The following PTCHD4 variants were observed in gnomAD, a reference collection of about 807,000 sequenced individuals.
PTCHD4 encodes the protein patched domain containing 4, also known as patched domain-containing protein 4.
PTCHD4 carries 33 observed loss-of-function variants against 58.1 expected under a neutral mutation model. The observed-to-expected ratio is 0.57, with a 90% CI of 0.43 to 0.76. The LOEUF (loss-of-function observed/expected upper bound fraction) is 0.76, where lower values mean the gene tolerates loss of function less well. PTCHD4 is among the 30% of genes least tolerant of loss of function. PTCHD4 has a pLI of 0.00. For missense variants in PTCHD4, 1,058 were observed against 1,027.1 expected (o/e 1.03, Z -0.41); for synonymous variants, 478 against 409.6 (o/e 1.17, Z -2.02).
chr6:48,005,739 T>C (rs536589888), intron 4 of PTCHD4, among the ~76,000 whole-genome samples: 1 of 152,316 alleles, frequency 6.6e-6, no homozygotes, highest in African/African-American at 2.4e-5. Flanking sequence ...GGATAACATA[T>C]ACTTTAAAGA....
intron 4 of PTCHD4, among the ~76,000 whole-genome samples, chr6:47,929,417 A>G (rs185398454): frequency 4.6e-5 from 7 of 152,354 alleles, no homozygotes; most frequent in African/African-American, 1.7e-4. Flanking sequence ...AGAGAAGGGT[A>G]TCTGATAAGC....
At chr6:47,967,403 A>C (rs889456968) in intron 4 of PTCHD4, among the ~76,000 whole-genome samples, 1 of 152,156 alleles carries the variant, frequency 6.6e-6, no homozygotes, top group Non-Finnish European at 1.5e-5. Flanking sequence ...GATTTAGCAT[A>C]ATTCTTAAGA....
chr6:47,917,956 T>C (rs1359217652), intron 4 of PTCHD4, among the ~76,000 whole-genome samples: 1 of 152,118 alleles, frequency 6.6e-6, no homozygotes, highest in Non-Finnish European at 1.5e-5. Context: ...GCTGAAGCAG[T>C]AGAGCTTAGA....
Position 47,864,778 on chromosome 6 carries a change from A to G in PTCHD4, c.*13525T>C, listed in dbSNP as rs1239657041. ...ATGTATGTGTGAAATATTTGACAGG[A>G]CAATTATACCATAGGAAAAGTTTTG... On this transcript the variant is annotated 3_prime_UTR_variant, in exon 5 of 5. Coordinates refer to ENST00000339488, the MANE Select transcript of PTCHD4 (RefSeq NM_001384253.1). Among the ~76,000 whole-genome samples the G allele has an allele frequency of 3.9e-5, 6 of 152,012 alleles. No individual in the cohort carries two copies. The highest frequency in any genetic ancestry group is 3.9e-4 in the Admixed American group (6 of 15,240).
intron 3 of PTCHD4, among the ~76,000 whole-genome samples, chr6:48,048,135 T>C (rs1226192834): frequency 6.6e-6 from 1 of 151,822 alleles, no homozygotes; most frequent in East Asian, 1.9e-4. Context: ...AGCTGAGCAT[T>C]TTGGAGAATT....
intron 3 of PTCHD4, among the ~76,000 whole-genome samples, chr6:48,011,245 T>C (rs1186111770): frequency 6.6e-6 from 1 of 152,158 alleles, no homozygotes; most frequent in Non-Finnish European, 1.5e-5. Flanking sequence ...CATCTGTTGT[T>C]TCCTGACTTT....
chr6:48,020,730 GTTAC>G (rs1763037345), intron 3 of PTCHD4, among the ~76,000 whole-genome samples: 2 of 151,944 alleles, frequency 1.3e-5, no homozygotes, highest in Admixed American at 1.3e-4. Flanking sequence ...TACAGAAGAC[GTTAC>G]TGAAGAGTGA....
At chr6:48,020,836 G>T (rs571305914) in intron 3 of PTCHD4, among the ~76,000 whole-genome samples, 1 of 151,928 alleles carries the variant, frequency 6.6e-6, no homozygotes, top group Non-Finnish European at 1.5e-5. Flanking sequence ...AATATTCAAG[G>T]GAAATACATT....
chr6:47,872,346 G>C lies in PTCHD4; in HGVS notation c.*5957C>G, dbSNP rs1421392494. On this transcript the variant is annotated 3_prime_UTR_variant, in exon 5 of 5. Transcript: ENST00000339488. ...TAGAATTTTTTTCCCCCTCTGGTTT[G>C]ACAGAGCCTTGTGGGCAATGTGCTT... 1.3e-5 allele frequency among the ~76,000 whole-genome samples: 2 copies of C among 151,574 alleles called. No homozygotes were observed. Among genetic ancestry groups the C allele is most frequent in the East Asian group, 3.9e-4 (2 of 5,138 alleles).
intron 3 of PTCHD4, among the ~76,000 whole-genome samples, chr6:48,054,127 TC>T (rs1195561177): frequency 7.9e-5 from 12 of 152,146 alleles, no homozygotes; most frequent in Admixed American, 7.2e-4. Flanking sequence ...ATATTTTGAT[TC>T]AATCGATCTT....
chr6:48,024,084 A>T (rs1342380382), intron 3 of PTCHD4, among the ~76,000 whole-genome samples: 1 of 152,230 alleles, frequency 6.6e-6, no homozygotes, highest in East Asian at 1.9e-4. Flanking sequence ...TGTCTAGCTC[A>T]TAAGCTTTAT....
rs181460307 is a variant in PTCHD4, at chr6:48,108,491, T to C, written c.-970+2558A>G. On this transcript the variant is annotated intron_variant, in intron 1 of 4. Transcript: ENST00000339488. Reference sequence around the variant, plus strand: ...CGGGGAGGGATAGCATTAGGAGGTATACCTAATGCTAAATGATGAGTTAAT... The same window carrying C: ...CGGGGAGGGATAGCATTAGGAGGTACACCTAATGCTAAATGATGAGTTAAT... 2.7e-3 allele frequency among the ~76,000 whole-genome samples: 406 copies of C among 152,130 alleles called. 6 individuals are homozygous for C. The highest frequency in any genetic ancestry group is 0.014 in the Admixed American group (207 of 15,274).
chr6:47,995,917 T>C (rs937472253), intron 4 of PTCHD4, among the ~76,000 whole-genome samples: 9 of 152,212 alleles, frequency 5.9e-5, no homozygotes, highest in Non-Finnish European at 1.0e-4. Flanking sequence ...CATTATATTA[T>C]GAAGGAGGCA....
intron 1 of PTCHD4, among the ~76,000 whole-genome samples, chr6:48,109,219 T>A (rs1765810541): frequency 6.6e-6 from 1 of 152,108 alleles, no homozygotes; most frequent in Admixed American, 6.6e-5. Flanking sequence ...TTTAAGCTGT[T>A]TCAAAGCAAA....
At chr6:48,063,073 T>A (rs937299906) in intron 3 of PTCHD4, among the ~76,000 whole-genome samples, 4 of 152,114 alleles carry the variant, frequency 2.6e-5, no homozygotes, top group African/African-American at 9.7e-5. Context: ...TGCTATCCCA[T>A]AAATTTTTTT....
In PTCHD4 at chr6:47,940,871, A is replaced by G. The variant is rs149084480; in HGVS notation, c.899-60935T>C. ...ATCTCGAGCTAACAGTCAAATCAAT[A>G]TTAAAATGTGAAAGGGGGTGGTAAG... On this transcript the variant is annotated intron_variant, in intron 4 of 4. Transcript: ENST00000339488. Among the ~76,000 whole-genome samples the G allele has an allele frequency of 8.6e-3, 1,304 of 152,310 alleles. 7 individuals carry two copies. The highest frequency in any genetic ancestry group is 0.027 in the Middle Eastern group (8 of 294).
chr6:47,995,670 A>G (rs1768460413), intron 4 of PTCHD4, among the ~76,000 whole-genome samples: 1 of 152,190 alleles, frequency 6.6e-6, no homozygotes, highest in African/African-American at 2.4e-5. Context: ...GTCATTGAAT[A>G]TCTTGGCATC....
chr6:47,931,979 A>G (rs2113906893), intron 4 of PTCHD4, among the ~76,000 whole-genome samples: 1 of 152,314 alleles, frequency 6.6e-6, no homozygotes, highest in Non-Finnish European at 1.5e-5. Context: ...TGGACATTAT[A>G]GAAATCCATA....
At position 47,860,699 on chromosome 6, in the gene PTCHD4, G is replaced by C. The variant is rs1435467414; in HGVS notation, c.*17604C>G. ...ACCTAGCAGGGTCAGGGCTATTAGT[G>C]GAGCAGAAATTATAAACATTTGAGA... On this transcript the variant is annotated 3_prime_UTR_variant, in exon 5 of 5. Transcript: ENST00000339488. 6.6e-6 allele frequency among the ~76,000 whole-genome samples: 1 copy of C among 151,722 alleles called. No homozygotes were observed. Among genetic ancestry groups the C allele is most frequent in the African/African-American group, 2.4e-5 (1 of 41,344 alleles).
Sources: allele counts gnomAD v4.1 joint callset (sites outside exome capture counted in the v4.1 genomes callset), GRCh38; gene constraint gnomAD v4.1.1; transcripts MANE v1.5; gene names NCBI Gene and HGNC (gene_info 2026-07-23, HGNC 2026-07-21).